WIPF1: variants seen among roughly 807,000 people sequenced by gnomAD.
WIPF1 encodes the protein WAS/WASL interacting protein family member 1.
A neutral mutation model predicts 35.4 loss-of-function variants in WIPF1; 13 were observed. The observed-to-expected ratio is 0.37, with a 90% CI of 0.24 to 0.58. The LOEUF is 0.58. Ranked by LOEUF, WIPF1 falls within the 20% of genes least tolerant of loss-of-function variation. The pLI is 0.74. For synonymous variants in WIPF1, 267 were observed against 266.3 expected (o/e 1.00, Z -0.02); for missense variants, 591 against 667.0 (o/e 0.89, Z 1.25).
intron 1 of WIPF1, among the ~76,000 whole-genome samples, chr2:174,589,459 G>A (rs1207618522): frequency 1.3e-5 from 2 of 152,066 alleles, no homozygotes; most frequent in Non-Finnish European, 1.5e-5. Flanking sequence ...CAAGGCCCTG[G>A]GAGAGGAGGG....
intron 3 of WIPF1, among the ~76,000 whole-genome samples, chr2:174,576,066 C>G (rs1685050037): frequency 6.6e-6 from 1 of 151,880 alleles, no homozygotes; most frequent in Non-Finnish European, 1.5e-5. Flanking sequence ...CCACCCTGGG[C>G]AACAAAGTGA....
chr2:174,620,603 C>T (rs959985488), intron 1 of WIPF1, among the ~76,000 whole-genome samples: 4 of 152,180 alleles, frequency 2.6e-5, no homozygotes, highest in Non-Finnish European at 5.9e-5. Context: ...ACCCATTATC[C>T]TCTCATCCAG....
At chr2:174,660,565 C>T (rs1399889323) in intron 1 of WIPF1, among the ~76,000 whole-genome samples, 1 of 152,016 alleles carries the variant, frequency 6.6e-6, no homozygotes, top group Non-Finnish European at 1.5e-5. Flanking sequence ...GCTGGAGACA[C>T]CAACCTAATG....
intron 1 of WIPF1, among the ~76,000 whole-genome samples, chr2:174,676,139 T>G (rs1688125921): frequency 2.0e-5 from 3 of 151,062 alleles, no homozygotes. Flanking sequence ...TTTGGTATTT[T>G]TTGTAGAGAC....
chr2:174,664,593 G>A (rs933673473), intron 1 of WIPF1, among the ~76,000 whole-genome samples: 18 of 152,330 alleles, frequency 1.2e-4, no homozygotes, highest in South Asian at 6.2e-4. Context: ...CTTGTGTTCC[G>A]TGGTGGCCAG....
At chr2:174,620,708 TTTAG>T (rs1686647320) in intron 1 of WIPF1, among the ~76,000 whole-genome samples, 1 of 152,086 alleles carries the variant, frequency 6.6e-6, no homozygotes, top group Non-Finnish European at 1.5e-5. Flanking sequence ...AGGGATTCAT[TTTAG>T]GGACATGTGA....
intron 1 of WIPF1, among the ~76,000 whole-genome samples, chr2:174,678,852 G>A (rs1171237452): frequency 6.6e-6 from 1 of 152,204 alleles, no homozygotes; most frequent in Non-Finnish European, 1.5e-5. Flanking sequence ...TCTCTCCTTG[G>A]GGGCTGTTAA....
chr2:174,648,848 G>A (rs1687474659), intron 1 of WIPF1, among the ~76,000 whole-genome samples: 1 of 152,162 alleles, frequency 6.6e-6, no homozygotes, highest in East Asian at 1.9e-4. Flanking sequence ...ACAAAGCAAA[G>A]CAACCCCTCC....
intron 4 of WIPF1, chr2:174,574,953 TA>T (rs3049897): frequency 0.039 from 26,469 of 679,416 alleles, no homozygotes; most frequent in South Asian, 0.066. Context: ...TTTAGAAAAG[TA>T]AAAAAAAAAA....
At position 174,572,386 on chromosome 2, in the gene WIPF1, G is replaced by T. The variant is rs765784451; in HGVS notation, c.419C>A (p.Pro140His). The T allele has an allele frequency of 6.2e-7, 1 of 1,614,138 alleles. No homozygotes were observed. The change falls in exon 5 of 8, where the codon CCC (proline) becomes CAC (histidine). Residue 140 changes from proline (P) to histidine (H), a missense_variant. Transcript: ENST00000679041. The part of the protein sequence containing the change: ...PPGGRSTSAK[P>H]FSPPSGPGRF... ...CCCTGGGCCACTTGGGGGTGAAAAGGGTTTCGCAGATGTGGATCTTCCTCC... is the reference window on the plus strand; with the variant it reads ...CCCTGGGCCACTTGGGGGTGAAAAGTGTTTCGCAGATGTGGATCTTCCTCC...
chr2:174,642,770 C>T (rs992936656), intron 1 of WIPF1, among the ~76,000 whole-genome samples: 2 of 149,244 alleles, frequency 1.3e-5, no homozygotes, highest in Admixed American at 6.6e-5. Context: ...CTACCTCAGC[C>T]TCCCAAAGCA....
intron 1 of WIPF1, among the ~76,000 whole-genome samples, chr2:174,608,977 C>T (rs1476603078): frequency 6.6e-6 from 1 of 152,192 alleles, no homozygotes; most frequent in Non-Finnish European, 1.5e-5. Flanking sequence ...CATCTGAACA[C>T]TGTGGGAAGG....
At chr2:174,624,268 A>C (rs1231825034) in intron 1 of WIPF1, among the ~76,000 whole-genome samples, 1 of 152,238 alleles carries the variant, frequency 6.6e-6, no homozygotes, top group Non-Finnish European at 1.5e-5. Context: ...CTAGAGCAGA[A>C]AGTGAGTGGA....
Position 174,572,015 on chromosome 2 carries a change from G to A in WIPF1, c.790C>T (p.Pro264Ser). 1 of 1,546,904 alleles carries A rather than the reference G, an allele frequency of 6.5e-7. No homozygotes were observed. Among genetic ancestry groups the A allele is most frequent in the Non-Finnish European group, 8.7e-7 (1 of 1,149,804 alleles). The change falls in exon 5 of 8, where the codon CCC becomes TCC. Residue 264 changes from proline to serine, a missense_variant. Pro to Ser is a moderately conservative substitution (Grantham distance 74, BLOSUM62 -1). Around this residue, in one of 3 missense-constraint regions of WIPF1, gnomAD observed 471 missense variants for 501.1 expected, o/e 0.94. Coordinates refer to ENST00000679041, the MANE Select transcript of WIPF1 (RefSeq NM_001375834.1). ...PTPSRALDDK[P>S]PPPPPPVGNR... ...CCCACTGGAGGAGGTGGTGGAGGGG[G>A]TTTGTCATCCAAGGCCCTGCTGGGG...
intron 1 of WIPF1, among the ~76,000 whole-genome samples, chr2:174,665,964 T>C (rs1687882910): frequency 6.6e-6 from 1 of 152,246 alleles, no homozygotes; most frequent in Non-Finnish European, 1.5e-5. Context: ...ATACCACTTG[T>C]AGCCTCTTAA....
At chr2:174,603,604 G>A (rs964970323) in intron 1 of WIPF1, among the ~76,000 whole-genome samples, 1 of 152,216 alleles carries the variant, frequency 6.6e-6, no homozygotes, top group African/African-American at 2.4e-5. Flanking sequence ...GCTATTTCTT[G>A]TGTCTTTTAG....
chr2:174,580,482 CT>C (rs2105828618), intron 3 of WIPF1, among the ~76,000 whole-genome samples: 1 of 152,292 alleles, frequency 6.6e-6, no homozygotes, highest in South Asian at 2.1e-4. Context: ...TCATTATTCA[CT>C]TGTTGACAAA....
At chr2:174,668,242 G>C (rs575553674) in intron 1 of WIPF1, among the ~76,000 whole-genome samples, 2 of 152,174 alleles carry the variant, frequency 1.3e-5, no homozygotes, top group African/African-American at 4.8e-5. Context: ...GCAGGCCTGC[G>C]TTCTTATCTC....
At chr2:174,663,758 C>G (rs1259269671) in intron 1 of WIPF1, among the ~76,000 whole-genome samples, 13 of 152,226 alleles carry the variant, frequency 8.5e-5, no homozygotes, top group Admixed American at 8.5e-4. Context: ...TTCGGGTGAG[C>G]TCAGCAGCAC....
Sources: gnomAD v4.1 joint callset for allele counts (sites outside exome capture counted in the v4.1 genomes callset) on GRCh38, gnomAD v4.1.1 for gene constraint, gnomAD v4.1.1 regional missense constraint, MANE v1.5 for transcripts, NCBI Gene and HGNC (gene_info 2026-07-23, HGNC 2026-07-21) for gene names.